The following LSAMP variants were observed in gnomAD, a reference collection of about 807,000 sequenced individuals.
LSAMP encodes limbic system-associated membrane protein.
A neutral mutation model predicts 38.6 loss-of-function variants in LSAMP; 7 were observed. The ratio of observed to expected loss-of-function variants is 0.18; its 90% CI spans 0.10 to 0.34. LSAMP has a LOEUF of 0.34. LSAMP is among the 10% of genes least tolerant of loss of function. The pLI is 1.00. For synonymous variants in LSAMP, 154 were observed against 166.8 expected, an observed-to-expected ratio of 0.92 and a Z score of 0.59; for missense variants, 313 against 420.0, an observed-to-expected ratio of 0.75 and a Z score of 2.23.
At position 116,308,866 on chromosome 3, in the gene LSAMP, G is replaced by A. The variant is rs539774134; in HGVS notation, c.155+136011C>T. On this transcript the variant is annotated intron_variant, in intron 1 of 6. Coordinates refer to ENST00000490035, the MANE Select transcript of LSAMP (RefSeq NM_002338.5). ...CATTTCAGAAAAGCAGCACACAAACGTAAGATATCATCATTAGTTCTTTTG... is the reference window on the plus strand; with the variant it reads ...CATTTCAGAAAAGCAGCACACAAACATAAGATATCATCATTAGTTCTTTTG... Among the ~76,000 whole-genome samples, 24 of 152,160 alleles carry A rather than the reference G, an allele frequency of 1.6e-4. No individual in the cohort carries two copies. In the East Asian group the frequency reaches 4.3e-3, roughly 27 times the overall value.
chr3:116,244,874 T>C (rs980722695), intron 1 of LSAMP, among the ~76,000 whole-genome samples: 2 of 152,228 alleles, frequency 1.3e-5, no homozygotes, highest in Admixed American at 1.3e-4. Context: ...ATTTTTCCTT[T>C]AGTTGCTCTT....
chr3:116,204,114 C>T (rs2046030375), intron 1 of LSAMP, among the ~76,000 whole-genome samples: 1 of 152,086 alleles, frequency 6.6e-6, no homozygotes, highest in Non-Finnish European at 1.5e-5. Flanking sequence ...GAGATAGTAT[C>T]TCATAGTGGT....
intron 1 of LSAMP, among the ~76,000 whole-genome samples, chr3:116,354,774 A>G (rs2048196309): frequency 6.6e-6 from 1 of 152,120 alleles, no homozygotes; most frequent in Non-Finnish European, 1.5e-5. Flanking sequence ...TCCAGAGGGA[A>G]ATACAGAGAA....
intron 1 of LSAMP, among the ~76,000 whole-genome samples, chr3:116,304,624 A>C (rs1576495425): frequency 6.6e-6 from 1 of 152,252 alleles, no homozygotes; most frequent in Middle Eastern, 3.4e-3. Context: ...AAGCAGGTGC[A>C]TGGAAAGTCA....
At chr3:116,193,177 G>A (rs1710794651) in intron 1 of LSAMP, among the ~76,000 whole-genome samples, 1 of 152,148 alleles carries the variant, frequency 6.6e-6, no homozygotes. Flanking sequence ...TTTTATAAAT[G>A]AGACTGCTAT....
rs772161077 is a variant in LSAMP, at chr3:115,827,481, G to C, written c.919+14364C>G. On this transcript the variant is annotated intron_variant, in intron 6 of 6. Coordinates refer to ENST00000490035, the MANE Select transcript of LSAMP (RefSeq NM_002338.5). ...GAATCTTTATTGCGAGTATGGGGCA[G>C]ATAAAAAGTAGAATGAACTATTAGC... 5.9e-5 allele frequency among the ~76,000 whole-genome samples: 9 copies of C among 152,228 alleles called. No homozygotes were observed. In the East Asian group the frequency reaches 1.4e-3, roughly 23 times the overall value.
chr3:115,960,575 T>A (rs1269364868), intron 3 of LSAMP, among the ~76,000 whole-genome samples: 3 of 152,176 alleles, frequency 2.0e-5, no homozygotes, highest in African/African-American at 7.2e-5. Flanking sequence ...AGCATGTTAA[T>A]TTTTTCCGCC....
intron 1 of LSAMP, among the ~76,000 whole-genome samples, chr3:116,359,864 C>G (rs534193356): frequency 6.6e-6 from 1 of 152,228 alleles, no homozygotes; most frequent in East Asian, 1.9e-4. Context: ...AAACTCAAAA[C>G]TATAAAAATC....
At chr3:115,936,199 A>G (rs1407901946) in intron 3 of LSAMP, among the ~76,000 whole-genome samples, 2 of 152,292 alleles carry the variant, frequency 1.3e-5, no homozygotes, top group Non-Finnish European at 2.9e-5. Context: ...TGCTTTAGCG[A>G]GTCAGTATTC....
chr3:116,327,832 T>C (rs1398922236), intron 1 of LSAMP, among the ~76,000 whole-genome samples: 2 of 152,150 alleles, frequency 1.3e-5, no homozygotes, highest in African/African-American at 4.8e-5. Context: ...ACAAGCAGCA[T>C]AGATTAGGCT....
chr3:115,865,817 A>C (rs1389137255), intron 3 of LSAMP, among the ~76,000 whole-genome samples: 1 of 152,146 alleles, frequency 6.6e-6, no homozygotes, highest in Non-Finnish European at 1.5e-5. Flanking sequence ...TTCTTAAGGG[A>C]GTTAGGTTAA....
At chr3:116,155,164 T>G (rs1709715699) in intron 1 of LSAMP, among the ~76,000 whole-genome samples, 1 of 152,088 alleles carries the variant, frequency 6.6e-6, no homozygotes, top group Admixed American at 6.6e-5. Flanking sequence ...ATTTGATTAA[T>G]GTCTGTTCTC....
intron 3 of LSAMP, among the ~76,000 whole-genome samples, chr3:115,908,878 ACTTCTGT>A (rs1298228085): frequency 6.6e-6 from 1 of 151,928 alleles, no homozygotes; most frequent in African/African-American, 2.4e-5. Flanking sequence ...TCTGTCCGGC[ACTTCTGT>A]CTTCAGTCAA....
chr3:115,902,411 C>A (rs886512153), intron 3 of LSAMP, among the ~76,000 whole-genome samples: 3 of 152,036 alleles, frequency 2.0e-5, no homozygotes, highest in Admixed American at 2.0e-4. Context: ...ACAACCTATG[C>A]AATACCATTC....
chr3:115,842,252 G>A (rs35893352), intron 5 of LSAMP, among the ~76,000 whole-genome samples: 24,112 of 152,190 alleles, frequency 0.16, 2,338 homozygotes, highest in Non-Finnish European at 0.22. Context: ...CCATTGAACC[G>A]TTTTTATATT....
chr3:116,048,191 G>A (rs980574470), intron 2 of LSAMP, among the ~76,000 whole-genome samples: 2 of 152,216 alleles, frequency 1.3e-5, no homozygotes, highest in East Asian at 1.9e-4. Context: ...TTAGAGAAGA[G>A]TATCAATGAC....
chr3:116,355,815 T>C (rs905832643), intron 1 of LSAMP, among the ~76,000 whole-genome samples: 2 of 152,136 alleles, frequency 1.3e-5, no homozygotes, highest in Admixed American at 6.5e-5. Context: ...CAGACAAGTA[T>C]ATAAAAAGGT....
intron 1 of LSAMP, among the ~76,000 whole-genome samples, chr3:116,278,465 A>T (rs188887238): frequency 6.6e-6 from 1 of 152,370 alleles, no homozygotes; most frequent in East Asian, 1.9e-4. Flanking sequence ...AAGCAGGAAC[A>T]TAAATTCAGT....
rs1304259347 is a variant in LSAMP, at chr3:115,808,393, G to T, written c.*1924C>A. ...TTACTACTGTGTAAGTGAGAGCAAG[G>T]GTTGGTTTTCTGACAAAGACATCTA... is the stretch of plus-strand genomic sequence containing the variant. On this transcript the variant is annotated 3_prime_UTR_variant, in exon 7 of 7. Coordinates refer to ENST00000490035, the MANE Select transcript of LSAMP (RefSeq NM_002338.5). The T allele has an allele frequency of 6.6e-6, 1 of 151,780 alleles. No homozygotes were observed. The highest frequency in any genetic ancestry group is 6.6e-5 in the Admixed American group (1 of 15,214). The allele number at this position is 151,780 out of a possible 1,614,324, so 9.4% of individuals were successfully genotyped here.
Sources: gnomAD v4.1 joint callset for allele counts (sites outside exome capture counted in the v4.1 genomes callset) on GRCh38, gnomAD v4.1.1 for gene constraint, MANE v1.5 for transcripts, NCBI Gene and HGNC (gene_info 2026-07-23, HGNC 2026-07-21) for gene names.